Variants in DGKZ observed in about 807,000 individuals in gnomAD.
DGKZ encodes DAG kinase zeta.
Under a neutral mutation model 142.5 loss-of-function variants are expected in DGKZ, and 45 were observed. That is an observed-to-expected ratio of 0.32 (90% confidence interval 0.25 to 0.40). The LOEUF is 0.40. Ranked by LOEUF, DGKZ falls within the 10% of genes least tolerant of loss-of-function variation. DGKZ has a pLI of 1.00. For missense variants in DGKZ, 755 were observed against 1,306.5 expected, an observed-to-expected ratio of 0.58 and a Z score of 6.51; for synonymous variants, 442 against 527.0, an observed-to-expected ratio of 0.84 and a Z score of 2.21.
At chr11:46,360,000 C>G (rs1355359230) in intron 1 of DGKZ, among the ~76,000 whole-genome samples, 1 of 152,128 alleles carries the variant, frequency 6.6e-6, no homozygotes, top group African/African-American at 2.4e-5. Context: ...CAAAGAAAAT[C>G]TATAATTACC....
intron 1 of DGKZ, among the ~76,000 whole-genome samples, chr11:46,352,493 G>A (rs79823985): frequency 2.0e-5 from 3 of 149,528 alleles, no homozygotes; most frequent in African/African-American, 2.4e-5. Context: ...CACCCCTCCC[G>A]TCCCCTGAGG....
In DGKZ at chr11:46,367,763, G is replaced by A; in HGVS notation, c.366+16G>A. The A allele has an allele frequency of 6.2e-7, 1 of 1,612,718 alleles. No individual in the cohort carries two copies. The highest frequency in any genetic ancestry group is 8.5e-7 in the Non-Finnish European group (1 of 1,179,632). On this transcript the variant is annotated intron_variant, in intron 3 of 30. Transcript: ENST00000527911. The surrounding 1 kb of genome is among the most constrained non-coding windows in gnomAD (Gnocchi z 4.1). ...CAGGATGCTGGTGAGTGCTCGTAGG[G>A]GCACGCCGCCCCCTGCTGGTGGAGC...
At chr11:46,361,049 G>C (rs1055887759) in intron 1 of DGKZ, among the ~76,000 whole-genome samples, 1 of 152,236 alleles carries the variant, frequency 6.6e-6, no homozygotes, top group Non-Finnish European at 1.5e-5. Flanking sequence ...CATCTATTCA[G>C]TGGGACAGTA....
At chr11:46,366,680 G>GGGCCACCCCCAC (rs766674579) in intron 1 of DGKZ, 37 of 1,581,234 alleles carry the variant, frequency 2.3e-5, no homozygotes, top group Non-Finnish European at 8.6e-6. Context: ...CAAGACACCA[G>GGGCCACCCCCAC]GGCCACCCCC....
chr11:46,378,983 G>C lies in DGKZ; in HGVS notation c.2419-8G>C, dbSNP rs367894766. On this transcript the variant is annotated splice_region_variant and splice_polypyrimidine_tract_variant and intron_variant, in intron 27 of 30. Transcript: ENST00000527911. ...GAGGTCCAGCCCTGCCATGCCTCCT[G>C]CCCTCAGCTCCAGGAGCTGCACCGA... 3 of 1,534,950 alleles carry C rather than the reference G, an allele frequency of 2.0e-6. No individual in the cohort carries two copies. The highest frequency in any genetic ancestry group is 2.6e-6 in the Non-Finnish European group (3 of 1,149,984).
At position 46,363,638 on chromosome 11, in the gene DGKZ, C is replaced by T. The variant is rs971860714; in HGVS notation, c.162-3653C>T. On this transcript the variant is annotated intron_variant, in intron 1 of 30. Transcript: ENST00000527911. ...GCCGCAAGCTGGGCTCAGCCCTCAC[C>T]GCTGCCCACGGGTGCAGCGGCACCT... 3.0e-4 allele frequency among the ~76,000 whole-genome samples: 46 copies of T among 152,204 alleles called. 1 individual carries two copies. Among genetic ancestry groups the T allele is most frequent in the Admixed American group, 2.6e-3 (39 of 15,288 alleles).
chr11:46,365,249 C>T, intron 1 of DGKZ: 1 of 985,420 alleles, frequency 1.0e-6, no homozygotes, highest in Non-Finnish European at 1.2e-6. Context: ...AGTATGGGGG[C>T]TTCCAGCATC....
Position 46,347,513 on chromosome 11 carries a change from G to A in DGKZ, c.-147G>A. The A allele has an allele frequency of 1.0e-6, 1 of 982,220 alleles. No individual in the cohort carries two copies. Among genetic ancestry groups the A allele is most frequent in the Non-Finnish European group, 1.2e-6 (1 of 829,024 alleles). 60.8% of individuals were successfully genotyped at this position (982,220 alleles called of 1,614,324 possible). A position where few individuals can be genotyped will look rare whatever the true frequency, so the allele number is the denominator to read the frequency against. ...GCGGCTTCCCGGGCACCTGGGCGTG[G>A]GGAGCGGGGGCGCGCGGCGCGGGGC... On this transcript the variant is annotated 5_prime_UTR_variant, in exon 1 of 31. Coordinates refer to ENST00000527911, the Ensembl canonical transcript of DGKZ. The surrounding 1 kb of genome is among the most constrained non-coding windows in gnomAD (Gnocchi z 6.4).
intron 1 of DGKZ, chr11:46,366,451 G>GAGGGCCC: frequency 9.0e-6 from 14 of 1,555,676 alleles, no homozygotes; most frequent in Non-Finnish European, 1.2e-5. Flanking sequence ...GTTGCGGGGT[G>GAGGGCCC]AGGGCCCAGG....
intron 1 of DGKZ, chr11:46,361,542 A>G (rs1590499226): frequency 1.0e-5 from 8 of 774,404 alleles, no homozygotes; most frequent in East Asian, 1.3e-4. Context: ...CGGCTGTCTC[A>G]GGCTGCAGGG....
At chr11:46,364,399 T>C (rs1175787422) in intron 1 of DGKZ, 10 of 1,288,972 alleles carry the variant, frequency 7.8e-6, no homozygotes, top group Non-Finnish European at 1.0e-5. Context: ...ACACTGGTGA[T>C]TTTGGGGGAG....
At chr11:46,351,750 G>A (rs766389802) in intron 1 of DGKZ, among the ~76,000 whole-genome samples, 1 of 152,162 alleles carries the variant, frequency 6.6e-6, no homozygotes, top group Non-Finnish European at 1.5e-5. Context: ...GCCGAGCTGC[G>A]TTCATCTCAC....
upstream of DGKZ, among the ~76,000 whole-genome samples, chr11:46,346,214 C>T: frequency 6.6e-6 from 1 of 152,194 alleles, no homozygotes; most frequent in Admixed American, 6.5e-5. Context: ...TTGCGGCTGA[C>T]TAAGGCTGGA....
chr11:46,377,883 G>C, intron 25 of DGKZ: 1 of 453,658 alleles, frequency 2.2e-6, no homozygotes, highest in Non-Finnish European at 4.0e-6. Context: ...TTCCTCCTTG[G>C]AGAGATCACT....
At chr11:46,334,082 CAG>C (rs965972065) in intron 1 of DGKZ, among the ~76,000 whole-genome samples, 4 of 151,222 alleles carry the variant, frequency 2.6e-5, no homozygotes, top group African/African-American at 9.7e-5. Flanking sequence ...CTGTCAGTGT[CAG>C]AGTCTCTTGG....
intron 1 of DGKZ, among the ~76,000 whole-genome samples, chr11:46,349,251 T>C (rs896867992): frequency 6.6e-6 from 1 of 152,190 alleles, no homozygotes; most frequent in Non-Finnish European, 1.5e-5. Context: ...TTCCAGTAGC[T>C]CTGTTTTGTC....
rs1940870043 is a variant in DGKZ at position 46,347,952 on chromosome 11, C to T, written c.161+132C>T. 5 of 1,211,988 alleles carry T rather than the reference C, an allele frequency of 4.1e-6. No homozygotes were observed. In the South Asian group the frequency reaches 9.3e-5, roughly 22 times the overall value. The allele number at this position is 1,211,988 out of a possible 1,614,324, so 75.1% of individuals were successfully genotyped here. The stretch of plus-strand genomic sequence containing the variant: ...CACTGAGTCGGGGAGAGGCTGGCAC[C>T]GGCGGCACGAGCCGTCTTGGCGTGG... On this transcript the variant is annotated intron_variant, in intron 1 of 30. Coordinates refer to ENST00000527911, the Ensembl canonical transcript of DGKZ. This position sits in a 1 kb window ranked among gnomAD's most constrained non-coding sequence, Gnocchi z 6.4.
Position 46,376,403 on chromosome 11 carries a change from T to G in DGKZ, c.2161+6T>G, listed in dbSNP as rs1944545023. The G allele has an allele frequency of 6.2e-7, 1 of 1,613,822 alleles. No individual in the cohort carries two copies. The highest frequency in any genetic ancestry group is 1.1e-5 in the South Asian group (1 of 91,084). The stretch of plus-strand genomic sequence containing the variant: ...CAAGTGGTGCTTCCTGGACGGTGAG[T>G]CTACTCCCAGGGTGCCAAGCTGTTT... On this transcript the variant is annotated splice_donor_region_variant and intron_variant, in intron 23 of 30. Coordinates refer to ENST00000527911, the Ensembl canonical transcript of DGKZ.
upstream of DGKZ, among the ~76,000 whole-genome samples, chr11:46,343,298 T>C (rs1940367391): frequency 6.6e-6 from 1 of 152,208 alleles, no homozygotes; most frequent in Admixed American, 6.5e-5. Context: ...ATTAATTGCA[T>C]AGCATGCATT....
Sources: allele counts gnomAD v4.1 joint callset (sites outside exome capture counted in the v4.1 genomes callset), GRCh38; gene constraint gnomAD v4.1.1; non-coding constraint Gnocchi (gnomAD v3.1); transcripts MANE v1.5; gene names NCBI Gene and HGNC (gene_info 2026-07-23, HGNC 2026-07-21).